Variants in SLC2A9 observed in about 807,000 individuals in gnomAD.
SLC2A9 encodes the protein solute carrier family 2 member 9.
Under a neutral mutation model 50.6 loss-of-function variants are expected in SLC2A9, and 39 were observed. The observed-to-expected ratio is 0.77, with a 90% CI of 0.60 to 1.01. SLC2A9 has a LOEUF of 1.01. Ranked by LOEUF, SLC2A9 falls within the 50% of genes least tolerant of loss-of-function variation. The probability of loss-of-function intolerance (pLI) is 0.00; values close to 1 mark genes in which losing one functional copy is unlikely to be tolerated. For missense variants in SLC2A9, 686 were observed against 677.6 expected (o/e 1.01, Z -0.14); for synonymous variants, 324 against 276.9 (o/e 1.17, Z -1.69).
chr4:9,924,855 C>T (rs1011108060), intron 6 of SLC2A9, among the ~76,000 whole-genome samples: 1 of 152,152 alleles, frequency 6.6e-6, no homozygotes, highest in Admixed American at 6.5e-5. Context: ...GCCCCTTCAG[C>T]GTCTACAGTC....
At chr4:10,011,299 C>T (rs1028131242) in intron 2 of SLC2A9, among the ~76,000 whole-genome samples, 4 of 152,184 alleles carry the variant, frequency 2.6e-5, no homozygotes, top group Admixed American at 2.6e-4. Context: ...CTGCCCATTT[C>T]AGTCCCCAGA....
At chr4:9,900,183 G>A (rs769629400) in intron 8 of SLC2A9, among the ~76,000 whole-genome samples, 18 of 152,260 alleles carry the variant, frequency 1.2e-4, no homozygotes, top group Admixed American at 4.6e-4. Flanking sequence ...GGGAACAGCC[G>A]CCACTTAGAA....
intron 5 of SLC2A9, among the ~76,000 whole-genome samples, chr4:9,972,805 A>G (rs1050724285): frequency 2.0e-5 from 3 of 152,196 alleles, no homozygotes; most frequent in Non-Finnish European, 4.4e-5. Context: ...CAGTGGTAAG[A>G]AGAATGTTTA....
chr4:9,775,561 A>G (rs186021745), downstream of SLC2A9, among the ~76,000 whole-genome samples: 15 of 152,130 alleles, frequency 9.9e-5, no homozygotes, highest in East Asian at 2.9e-3. Context: ...TAGATCCCCC[A>G]TGGCTTGGTG....
intron 1 of SLC2A9, among the ~76,000 whole-genome samples, chr4:10,031,075 T>C (rs1244594246): frequency 1.3e-5 from 2 of 152,216 alleles, no homozygotes; most frequent in Non-Finnish European, 1.5e-5. Context: ...CCATTTGTGT[T>C]ACTGGTTTGT....
intron 2 of SLC2A9, among the ~76,000 whole-genome samples, chr4:10,008,069 C>T (rs1044299838): frequency 1.3e-5 from 2 of 152,230 alleles, no homozygotes; most frequent in Non-Finnish European, 1.5e-5. Context: ...AGTTTCCCTA[C>T]CTCCCATCTT....
chr4:9,774,454 T>A (rs1380124604), intron 1 of SLC2A9, among the ~76,000 whole-genome samples: 2 of 152,210 alleles, frequency 1.3e-5, no homozygotes, highest in Admixed American at 1.3e-4. Flanking sequence ...GAATTCCACT[T>A]TGCCCTCCAG....
intron 5 of SLC2A9, among the ~76,000 whole-genome samples, chr4:9,970,742 A>G (rs1753770390): frequency 6.6e-6 from 1 of 152,112 alleles, no homozygotes; most frequent in Admixed American, 6.5e-5. Context: ...TTTTATACTC[A>G]GTACCTGTTT....
chr4:9,834,672 C>G (rs1726728380), intron 11 of SLC2A9, among the ~76,000 whole-genome samples: 1 of 152,162 alleles, frequency 6.6e-6, no homozygotes, highest in South Asian at 2.1e-4. Flanking sequence ...TCTGAAAGAG[C>G]CCACAGCATT....
intron 7 of SLC2A9, 119 bp downstream of exon 7, chr4:9,920,266 G>T: frequency 2.8e-6 from 3 of 1,062,898 alleles, no homozygotes; most frequent in Non-Finnish European, 4.2e-6. Context: ...ACAGCATAGA[G>T]TTTGTGGCAA....
At chr4:10,024,792 T>C (rs569319659), upstream of SLC2A9, among the ~76,000 whole-genome samples, 1 of 152,248 alleles carries the variant, frequency 6.6e-6, no homozygotes, top group Admixed American at 6.5e-5. Context: ...TTGGACAAGG[T>C]GGAAGTTTTC....
Position 9,792,159 on chromosome 4 carries a change from G to GTT in SLC2A9, n.386-12096_386-12095dup, listed in dbSNP as rs1228816556. On this transcript the variant is annotated intron_variant and non_coding_transcript_variant, in intron 3 of 3. Coordinates refer to the SLC2A9 transcript ENST00000503803. ...AACCAGGAGATGTTTTCTATTCTAT[G>GTT]TTTCTTTTTTTTTTTTTTTTTTTTT... 2.7e-3 allele frequency among the ~76,000 whole-genome samples: 254 copies of GTT among 94,558 alleles called. 2 individuals are homozygous for GTT. The highest frequency in any genetic ancestry group is 8.4e-3 in the African/African-American group (236 of 28,260). The allele number at this position is 94,558 out of a possible 152,430, so 62.0% of individuals were successfully genotyped here.
intron 10 of SLC2A9, among the ~76,000 whole-genome samples, chr4:9,848,967 G>T (rs1268281287): frequency 6.6e-6 from 1 of 152,238 alleles, no homozygotes; most frequent in Non-Finnish European, 1.5e-5. Context: ...CTCCCGAAGT[G>T]CTGGGATTAC....
intron 3 of SLC2A9, among the ~76,000 whole-genome samples, chr4:9,791,640 G>T (rs1267093201): frequency 6.6e-6 from 1 of 152,162 alleles, no homozygotes; most frequent in Non-Finnish European, 1.5e-5. Context: ...CTATGAAGAG[G>T]CCCAGTAGCA....
intron 8 of SLC2A9, among the ~76,000 whole-genome samples, chr4:9,904,532 C>T (rs1273658750): frequency 6.6e-6 from 1 of 152,230 alleles, no homozygotes; most frequent in East Asian, 1.9e-4. Flanking sequence ...TTAGTCCCAC[C>T]TGCAACATTC....
chr4:9,939,855 C>T (rs948029522), intron 6 of SLC2A9, among the ~76,000 whole-genome samples: 2 of 152,120 alleles, frequency 1.3e-5, no homozygotes, highest in African/African-American at 4.8e-5. Flanking sequence ...ATATCCATTG[C>T]TTGCTGAATG....
chr4:10,032,772 G>C (rs1354992288), intron 1 of SLC2A9, among the ~76,000 whole-genome samples: 1 of 152,130 alleles, frequency 6.6e-6, no homozygotes, highest in Non-Finnish European at 1.5e-5. Context: ...CTGGACAGGT[G>C]ACGTTTATCC....
chr4:9,779,437 C>T (rs1278125727), downstream of SLC2A9, among the ~76,000 whole-genome samples: 14 of 144,042 alleles, frequency 9.7e-5, no homozygotes, highest in African/African-American at 2.9e-4. Flanking sequence ...TTTTTTGAGA[C>T]GGAGTCTGGC....
chr4:9,815,697 T>G (rs142458675), intron 3 of SLC2A9, among the ~76,000 whole-genome samples: 7 of 152,288 alleles, frequency 4.6e-5, no homozygotes, highest in Middle Eastern at 3.4e-3. Context: ...GTGTTACATG[T>G]GTGGGATTAA....
Sources: gnomAD v4.1 joint callset for allele counts (sites outside exome capture counted in the v4.1 genomes callset) on GRCh38, gnomAD v4.1.1 for gene constraint, MANE v1.5 for transcripts, NCBI Gene and HGNC (gene_info 2026-07-23, HGNC 2026-07-21) for gene names.